Variants in ATP13A5 observed in about 807,000 individuals in gnomAD.
ATP13A5 encodes the protein ATPase 13A5, also known as probable cation-transporting ATPase 13A5.
ATP13A5 carries 149 observed loss-of-function variants against 150.2 expected under a neutral mutation model. That is an observed-to-expected ratio of 0.99 (90% CI 0.87 to 1.14). The LOEUF (loss-of-function observed/expected upper bound fraction) is 1.14, where lower values mean the gene tolerates loss of function less well. ATP13A5 is among the 50% of genes most tolerant of loss of function. ATP13A5 has a pLI of 0.00. For synonymous variants in ATP13A5, 497 were observed against 522.2 expected (o/e 0.95, Z 0.66); for missense variants, 1,383 against 1,449.3 (o/e 0.95, Z 0.74).
chr3:193,280,197 C>G (rs963915437), intron 27 of ATP13A5, among the ~76,000 whole-genome samples: 1 of 151,902 alleles, frequency 6.6e-6, no homozygotes, highest in African/African-American at 2.4e-5. Flanking sequence ...ACTACAGGCG[C>G]CCACCACCAT....
At chr3:193,295,222 G>C (rs1489127210) in intron 25 of ATP13A5, among the ~76,000 whole-genome samples, 1 of 152,000 alleles carries the variant, frequency 6.6e-6, no homozygotes, top group Non-Finnish European at 1.5e-5. Flanking sequence ...CTGCAGTGTG[G>C]TCACATTAAA....
Position 193,322,914 on chromosome 3 carries a change from A to G in ATP13A5, c.1675-340T>C, listed in dbSNP as rs760558483. Among the ~76,000 whole-genome samples the G allele has an allele frequency of 7.2e-5, 11 of 152,336 alleles. No individual in the cohort carries two copies. The South Asian group carries it at 2.3e-3, about 32-fold the overall frequency. On this transcript the variant is annotated intron_variant, in intron 14 of 29. Coordinates refer to ENST00000342358, the MANE Select transcript of ATP13A5 (RefSeq NM_198505.4). ...GATGTAGTCTCCAACATTGCCGAGC[A>G]CCATAGCTCTCAGATGAGTTAGGAC...
intron 9 of ATP13A5, among the ~76,000 whole-genome samples, chr3:193,337,402 A>G (rs1711921679): frequency 6.6e-6 from 1 of 152,128 alleles, no homozygotes; most frequent in Non-Finnish European, 1.5e-5. Flanking sequence ...TCCATCTTGA[A>G]TTAATTTTTG....
At chr3:193,356,870 C>T (rs780481762) in intron 5 of ATP13A5, among the ~76,000 whole-genome samples, 10 of 151,780 alleles carry the variant, frequency 6.6e-5, no homozygotes, top group Non-Finnish European at 1.5e-4. Flanking sequence ...GGCTGGAGTG[C>T]ATTGGCACAG....
chr3:193,355,163 C>T (rs1463923590), intron 5 of ATP13A5, among the ~76,000 whole-genome samples: 2 of 151,936 alleles, frequency 1.3e-5, no homozygotes, highest in East Asian at 3.9e-4. Flanking sequence ...AACCCCTGAC[C>T]TCAGGTGATC....
At chr3:193,331,637 G>C (rs1439524807) in intron 11 of ATP13A5, among the ~76,000 whole-genome samples, 1 of 152,160 alleles carries the variant, frequency 6.6e-6, no homozygotes, top group African/African-American at 2.4e-5. Flanking sequence ...CACAGAGGAG[G>C]TGCTCAGGAC....
At chr3:193,336,771 C>G (rs1241412521) in intron 9 of ATP13A5, among the ~76,000 whole-genome samples, 2 of 152,160 alleles carry the variant, frequency 1.3e-5, no homozygotes, top group Non-Finnish European at 2.9e-5. Context: ...ATGGCTGGGT[C>G]AAATGGTATT....
rs1035596678 is a variant in ATP13A5 at position 193,362,426 on chromosome 3, T to C, written c.491A>G (p.His164Arg). ...GGTCAGACCCAATCCAAATGTCTGA[T>C]GGATGTCAGAGCAGGAATTGCTGTC... ...LEDSNSCSDI[H>R]QTFGLGLTSE... Residue 164 changes from histidine (H) to arginine (R), a missense_variant, in exon 5 of 30, where the codon CAT becomes CGT. Around this residue, in one of 3 missense-constraint regions of ATP13A5, gnomAD observed 787 missense variants for 771.9 expected, o/e 1.02. Transcript: ENST00000342358. 1.9e-6 allele frequency: 3 copies of C among 1,614,038 alleles called. No individual in the cohort carries two copies. Among genetic ancestry groups the C allele is most frequent in the Non-Finnish European group, 2.5e-6 (3 of 1,180,000 alleles).
intron 9 of ATP13A5, 54 bp from the exon 10 acceptor site, chr3:193,335,153 A>C: frequency 6.4e-7 from 1 of 1,551,870 alleles, no homozygotes; most frequent in Non-Finnish European, 8.9e-7. Flanking sequence ...GTTGGTCAGA[A>C]CTGGTGCATG....
rs369630245 is a variant in ATP13A5, at chr3:193,305,652, T to C, written c.2585A>G (p.His862Arg). Residue 862 changes from histidine (H) to arginine (R), a missense_variant, in exon 23 of 30, where the codon CAT becomes CGT. Physicochemically the swap from His to Arg is conservative, Grantham distance 29 (BLOSUM62 0). Coordinates refer to ENST00000342358, the MANE Select transcript of ATP13A5 (RefSeq NM_198505.4). ...ANDCGALKAA[H>R]AGISLSEQEA... Reference sequence around the variant, plus strand: ...CTGCTCTGATAATGAAATGCCTGCATGAGCCGCTTTCAAAGCCTGGAATGA... The same window carrying C: ...CTGCTCTGATAATGAAATGCCTGCACGAGCCGCTTTCAAAGCCTGGAATGA... 1 of 1,613,922 alleles carries C rather than the reference T, an allele frequency of 6.2e-7. No individual in the cohort carries two copies. Among genetic ancestry groups the C allele is most frequent in the Non-Finnish European group, 8.5e-7 (1 of 1,179,840 alleles).
chr3:193,317,552 G>A (rs574130153), intron 17 of ATP13A5, among the ~76,000 whole-genome samples: 38 of 152,150 alleles, frequency 2.5e-4, no homozygotes, highest in African/African-American at 7.7e-4. Flanking sequence ...GACTTTTTAC[G>A]TCATCTCAAA....
rs146240850 is a variant in ATP13A5, at chr3:193,333,903, G to T, written c.1119C>A (p.Tyr373Ter). 5 of 1,612,642 alleles carry T rather than the reference G, an allele frequency of 3.1e-6. No individual in the cohort carries two copies. The highest frequency in any genetic ancestry group is 4.2e-6 in the Non-Finnish European group (5 of 1,179,378). Reference sequence around the variant, plus strand: ...TCACTAAGTCCCCTTTGGCTGTATTGTAACCTACATAAAGATAATCATAGA... The same window carrying T: ...TCACTAAGTCCCCTTTGGCTGTATTTTAACCTACATAAAGATAATCATAGA... Reference protein sequence around the residue: ...PVRAVVLQTGYNTAKGDLVRS... With the variant: ...PVRAVVLQTG Residue 373 changes from tyrosine to a stop codon, truncating the protein, a stop_gained, in exon 11 of 30, where the codon TAC (tyrosine) becomes TAA (stop). Coordinates refer to ENST00000342358, the MANE Select transcript of ATP13A5 (RefSeq NM_198505.4). LOFTEE classifies it high-confidence loss of function.
chr3:193,320,932 T>C (rs570671644), intron 16 of ATP13A5, among the ~76,000 whole-genome samples: 1 of 152,352 alleles, frequency 6.6e-6, no homozygotes, highest in Non-Finnish European at 1.5e-5. Context: ...TCTAATACCA[T>C]TGAATTTACT....
rs79052298 is a variant in ATP13A5 at position 193,309,810 on chromosome 3, G to A, written c.2525+828C>T. On this transcript the variant is annotated intron_variant, in intron 21 of 29. Coordinates refer to ENST00000342358, the MANE Select transcript of ATP13A5 (RefSeq NM_198505.4). ...ACTGAGCATTCAACATGTGAATGAG[G>A]CTGGTGAGAGATTTTTTTCCCCACT... 8.4e-3 allele frequency among the ~76,000 whole-genome samples: 1,280 copies of A among 152,290 alleles called. 40 individuals carry two copies. The highest frequency in any genetic ancestry group is 0.049 in the Admixed American group (748 of 15,288).
intron 25 of ATP13A5, among the ~76,000 whole-genome samples, chr3:193,294,786 G>C (rs1577330460): frequency 6.6e-6 from 1 of 152,106 alleles, no homozygotes; most frequent in East Asian, 1.9e-4. Flanking sequence ...CATTTATGCT[G>C]TACACCTAAC....
chr3:193,337,048 T>C (rs1300258629), intron 9 of ATP13A5, among the ~76,000 whole-genome samples: 1 of 152,222 alleles, frequency 6.6e-6, no homozygotes, highest in African/African-American at 2.4e-5. Flanking sequence ...TTGAGAAGTG[T>C]CTGTTCATAT....
At chr3:193,378,183 T>C (rs919069405) in intron 1 of ATP13A5, among the ~76,000 whole-genome samples, 1 of 152,198 alleles carries the variant, frequency 6.6e-6, no homozygotes, top group Admixed American at 6.5e-5. Context: ...CACATTCTAC[T>C]CCTTCTTTAG....
At chr3:193,302,059 G>C (rs1019461269) in intron 23 of ATP13A5, among the ~76,000 whole-genome samples, 1 of 152,162 alleles carries the variant, frequency 6.6e-6, no homozygotes, top group Non-Finnish European at 1.5e-5. Flanking sequence ...ATGCGAGAGT[G>C]GGACCTCAGC....
At position 193,354,632 on chromosome 3, in the gene ATP13A5, G is replaced by T. The variant is rs187056872; in HGVS notation, c.537-436C>A. Among the ~76,000 whole-genome samples the T allele has an allele frequency of 2.3e-3, 356 of 151,506 alleles. 4 individuals are homozygous for T. The highest frequency in any genetic ancestry group is 8.0e-3 in the African/African-American group (329 of 41,318). On this transcript the variant is annotated intron_variant, in intron 5 of 29. Coordinates refer to ENST00000342358, the MANE Select transcript of ATP13A5 (RefSeq NM_198505.4). ...ACCTAGGACAGGGCCCTTAGTATAC[G>T]AACCGAATGAATACATATTAGTATA...
Sources: gnomAD v4.1 joint callset for allele counts (sites outside exome capture counted in the v4.1 genomes callset) on GRCh38, gnomAD v4.1.1 for gene constraint, gnomAD v4.1.1 regional missense constraint, MANE v1.5 for transcripts, NCBI Gene and HGNC (gene_info 2026-07-23, HGNC 2026-07-21) for gene names.